Variants in SCN8A observed in about 807,000 individuals in gnomAD.
SCN8A encodes the protein sodium voltage-gated channel alpha subunit 8.
SCN8A carries 30 observed loss-of-function variants against 184.1 expected under a neutral mutation model. That is an observed-to-expected ratio of 0.16 (90% CI 0.12 to 0.22). SCN8A has a LOEUF of 0.22. Ranked by LOEUF, SCN8A falls within the 10% of genes least tolerant of loss-of-function variation. The pLI is 1.00. For synonymous variants in SCN8A, 852 were observed against 907.0 expected (o/e 0.94, Z 1.09); for missense variants, 1,057 against 2,498.9 (o/e 0.42, Z 12.30).
intron 2 of SCN8A, among the ~76,000 whole-genome samples, chr12:51,683,705 A>G (rs909944574): frequency 1.3e-5 from 2 of 152,140 alleles, no homozygotes; most frequent in African/African-American, 4.8e-5. Flanking sequence ...TTACTCATTC[A>G]TTACAGTTTT....
At chr12:51,608,365 C>T (rs1478286448) in intron 1 of SCN8A, among the ~76,000 whole-genome samples, 1 of 151,972 alleles carries the variant, frequency 6.6e-6, no homozygotes, top group Non-Finnish European at 1.5e-5. Flanking sequence ...TCCTTCTGGT[C>T]CTGGACTTTT....
rs375388245 is a variant in SCN8A, at chr12:51,697,305, T to C, written c.707-2265T>C. On this transcript the variant is annotated intron_variant, in intron 6 of 26. Coordinates refer to ENST00000627620, the MANE Select transcript of SCN8A (RefSeq NM_001330260.2). The stretch of plus-strand genomic sequence containing the variant: ...ATCTCTACAGTCTACCTCTTGGTTC[T>C]TTTTTCTTTAATTCCTCTTAGATCC... 9.8e-5 allele frequency among the ~76,000 whole-genome samples: 15 copies of C among 152,346 alleles called. No individual in the cohort carries two copies. In the South Asian group the frequency reaches 1.7e-3, roughly 17 times the overall value.
chr12:51,695,712 T>C (rs1941581500), intron 6 of SCN8A, among the ~76,000 whole-genome samples: 1 of 152,222 alleles, frequency 6.6e-6, no homozygotes, highest in Non-Finnish European at 1.5e-5. Flanking sequence ...CTTAATATAA[T>C]GACAGAATAT....
chr12:51,721,640 C>A lies in SCN8A; in HGVS notation c.1730C>A (p.Pro577Gln), dbSNP rs373820887. 9 of 1,611,770 alleles carry A rather than the reference C, an allele frequency of 5.6e-6. No individual in the cohort carries two copies. Among genetic ancestry groups the A allele is most frequent in the Non-Finnish European group, 6.8e-6 (8 of 1,178,908 alleles). The change falls in exon 12 of 27, where the codon CCG becomes CAG. Residue 577 changes from proline to glutamine, a missense_variant. Physicochemically the swap from Pro to Gln is moderately conservative, Grantham distance 76. Around this residue, in one of 19 missense-constraint regions of SCN8A, gnomAD observed 322 missense variants for 390.1 expected, o/e 0.83. Transcript: ENST00000627620. ...SFRGPGRFRDPGSENEFADDE... is the reference protein window; with the variant it reads ...SFRGPGRFRDQGSENEFADDE... ...AGGGGACCTGGGCGGTTCCGAGACC[C>A]GGGCTCCGAGAATGAGTTCGCGGAT...
At chr12:51,608,807 TCCTTGAGGTGTGA>T (rs1346575163) in intron 1 of SCN8A, among the ~76,000 whole-genome samples, 62 of 152,352 alleles carry the variant, frequency 4.1e-4, no homozygotes, top group African/African-American at 1.4e-3. Flanking sequence ...TTTCTCTAGT[TCCTTGAGGTGTGA>T]CCTTAGATGT....
chr12:51,673,867 A>C (rs116212228), intron 2 of SCN8A, among the ~76,000 whole-genome samples: 2 of 152,336 alleles, frequency 1.3e-5, no homozygotes, highest in South Asian at 4.1e-4. Flanking sequence ...ACAGGAGGGA[A>C]GGACAATTCT....
intron 1 of SCN8A, among the ~76,000 whole-genome samples, chr12:51,630,744 C>G (rs1309762274): frequency 1.3e-5 from 2 of 151,992 alleles, no homozygotes; most frequent in Non-Finnish European, 2.9e-5. Context: ...TCTTTTATAT[C>G]TCCCTCCTAG....
intron 1 of SCN8A, among the ~76,000 whole-genome samples, chr12:51,639,676 G>A (rs1400235480): frequency 6.6e-6 from 1 of 151,940 alleles, no homozygotes; most frequent in African/African-American, 2.4e-5. Context: ...ATCAATACAG[G>A]AAACTTCATT....
chr12:51,660,186 G>A (rs1394960600), intron 1 of SCN8A, among the ~76,000 whole-genome samples: 2 of 152,142 alleles, frequency 1.3e-5, no homozygotes, highest in Non-Finnish European at 2.9e-5. Flanking sequence ...GGGTGGAGAT[G>A]TAAAGGGAGA....
chr12:51,633,816 T>G (rs549899148), intron 1 of SCN8A, among the ~76,000 whole-genome samples: 1 of 152,330 alleles, frequency 6.6e-6, no homozygotes, highest in East Asian at 1.9e-4. Context: ...AAGAGATACT[T>G]TGGTGAAAAT....
intron 14 of SCN8A, among the ~76,000 whole-genome samples, chr12:51,752,840 T>C (rs1375311574): frequency 6.6e-6 from 1 of 152,250 alleles, no homozygotes; most frequent in African/African-American, 2.4e-5. Flanking sequence ...AAGCTTGATT[T>C]TAGTAGCCAA....
chr12:51,767,406 A>T (rs1377325770), intron 16 of SCN8A, among the ~76,000 whole-genome samples: 1 of 152,094 alleles, frequency 6.6e-6, no homozygotes, highest in East Asian at 1.9e-4. Flanking sequence ...GTTTCTAGGA[A>T]CCTATAACTT....
chr12:51,722,354 C>A (rs1942083144), intron 12 of SCN8A: 1 of 189,728 alleles, frequency 5.3e-6, no homozygotes, highest in African/African-American at 2.4e-5. Flanking sequence ...GCCATGGAGC[C>A]ACCACCAATG....
At chr12:51,774,412 A>G (rs768796845) in intron 20 of SCN8A, 50 bp downstream of exon 20, 9 of 1,531,580 alleles carry the variant, frequency 5.9e-6, no homozygotes, top group Non-Finnish European at 7.9e-6. Flanking sequence ...GAACACAGAA[A>G]CAGGGGTCTC....
intron 1 of SCN8A, among the ~76,000 whole-genome samples, chr12:51,609,414 T>C (rs1337866764): frequency 2.6e-5 from 4 of 152,212 alleles, no homozygotes; most frequent in Non-Finnish European, 5.9e-5. Flanking sequence ...ATTGTGTTGC[T>C]GTCTCATTTA....
At chr12:51,601,813 C>G (rs1939470638) in intron 1 of SCN8A, among the ~76,000 whole-genome samples, 1 of 151,122 alleles carries the variant, frequency 6.6e-6, no homozygotes, top group South Asian at 2.1e-4. Context: ...TGGGCTCTAC[C>G]CTGGAGCCCT....
At chr12:51,791,475 T>TCAAA (rs112153051) in intron 25 of SCN8A, among the ~76,000 whole-genome samples, 13 of 152,066 alleles carry the variant, frequency 8.5e-5, no homozygotes, top group African/African-American at 2.4e-4. Flanking sequence ...TCTCAGTACT[T>TCAAA]CAAACAAACA....
intron 1 of SCN8A, among the ~76,000 whole-genome samples, chr12:51,638,191 C>G (rs1004454358): frequency 6.6e-6 from 1 of 152,108 alleles, no homozygotes; most frequent in African/African-American, 2.4e-5. Flanking sequence ...ACTTGGTCAC[C>G]CAAGAGCTCT....
At chr12:51,623,851 G>A (rs1419832669) in intron 1 of SCN8A, among the ~76,000 whole-genome samples, 2 of 152,126 alleles carry the variant, frequency 1.3e-5, no homozygotes, top group Admixed American at 1.3e-4. Flanking sequence ...ACCTATGAGT[G>A]AGAACATGCG....
Sources: allele counts gnomAD v4.1 joint callset (sites outside exome capture counted in the v4.1 genomes callset), GRCh38; gene constraint gnomAD v4.1.1; regional missense constraint gnomAD v4.1.1; transcripts MANE v1.5; gene names NCBI Gene and HGNC (gene_info 2026-07-23, HGNC 2026-07-21).